MTR: variants seen among roughly 807,000 people sequenced by gnomAD.
MTR encodes the protein methionine synthase.
In MTR, 84 loss-of-function variants were observed where a neutral mutation model predicts 154.8. The ratio of observed to expected loss-of-function variants is 0.54; its 90% CI spans 0.45 to 0.65. The LOEUF is 0.65. Ranked by LOEUF, MTR falls within the 30% of genes least tolerant of loss-of-function variation. The pLI is 0.00. For missense variants in MTR, 1,275 were observed against 1,570.2 expected, an observed-to-expected ratio of 0.81 and a Z score of 3.18; for synonymous variants, 554 against 553.9, an observed-to-expected ratio of 1.00 and a Z score of 0.00.
chr1:236,889,158 A>AGT, intron 27 of MTR, 23 bp from the exon 28 acceptor site: 1 of 1,614,030 alleles, frequency 6.2e-7, no homozygotes, highest in South Asian at 1.1e-5. Flanking sequence ...GTCAGCATTG[A>AGT]CAACCATACT....
rs758564681 is a variant in MTR at position 236,795,684 on chromosome 1, C to G, written c.-20C>G. On this transcript the variant is annotated 5_prime_UTR_variant, in exon 1 of 33. Coordinates refer to ENST00000366577, the MANE Select transcript of MTR (RefSeq NM_000254.3). Reference sequence around the variant, plus strand: ...CGTCTTCTCTGCCGCGCCCTCTGCGCAAGGAGGAGACTCGACAACATGTCA... The same window carrying G: ...CGTCTTCTCTGCCGCGCCCTCTGCGGAAGGAGGAGACTCGACAACATGTCA... 7.4e-6 allele frequency: 12 copies of G among 1,613,908 alleles called. No homozygotes were observed. In the East Asian group the frequency reaches 2.7e-4, roughly 36 times the overall value.
intron 8 of MTR, 96 bp from the exon 9 acceptor site, chr1:236,824,023 C>A: frequency 9.8e-7 from 1 of 1,023,508 alleles, no homozygotes; most frequent in East Asian, 2.4e-5. Context: ...GATTTATTAT[C>A]CACTTGGTTT....
intron 21 of MTR, 24 bp downstream of exon 21, chr1:236,862,367 T>G (rs1266257057): frequency 6.3e-7 from 1 of 1,591,838 alleles, no homozygotes; most frequent in Non-Finnish European, 8.6e-7. Context: ...TTCAGGCCTA[T>G]GGGCCTTTAG....
At chr1:236,858,771 G>A (rs918464429) in intron 18 of MTR, among the ~76,000 whole-genome samples, 2 of 152,140 alleles carry the variant, frequency 1.3e-5, no homozygotes, top group Non-Finnish European at 2.9e-5. Context: ...TGATACTTAG[G>A]TTTCCGGTTT....
chr1:236,868,670 A>G (rs534925432), intron 22 of MTR, among the ~76,000 whole-genome samples: 2 of 152,250 alleles, frequency 1.3e-5, no homozygotes, highest in Non-Finnish European at 2.9e-5. Context: ...TTCATGATAC[A>G]TTTTAAAGTT....
At position 236,882,092 on chromosome 1, in the gene MTR, A is replaced by G. The variant is rs111652627; in HGVS notation, c.2676+1256A>G. Among the ~76,000 whole-genome samples, 138 of 152,360 alleles carry G rather than the reference A, an allele frequency of 9.1e-4. 1 individual carries two copies. Among genetic ancestry groups the G allele is most frequent in the Middle Eastern group, 3.4e-3 (1 of 294 alleles). ...ATAAAATTGCAATTTTTTATTTGCC[A>G]TTGATGTAGACAAATATGCAAATAA... On this transcript the variant is annotated intron_variant, in intron 25 of 32. Transcript: ENST00000366577.
chr1:236,854,837 T>C (rs1664111370), intron 18 of MTR, among the ~76,000 whole-genome samples: 1 of 152,234 alleles, frequency 6.6e-6, no homozygotes, highest in South Asian at 2.1e-4. Flanking sequence ...CTGTATGTCA[T>C]GCTGAGCTGC....
intron 20 of MTR, among the ~76,000 whole-genome samples, chr1:236,861,739 G>A (rs948957215): frequency 5.9e-5 from 9 of 152,212 alleles, no homozygotes; most frequent in African/African-American, 1.9e-4. Context: ...ATTTACAGCA[G>A]CTGCTAACCA....
At chr1:236,842,496 G>GATTT (rs1006099462) in intron 15 of MTR, among the ~76,000 whole-genome samples, 2 of 152,016 alleles carry the variant, frequency 1.3e-5, no homozygotes, top group African/African-American at 4.8e-5. Context: ...CATCGGGTGA[G>GATTT]ATTTTCATAT....
chr1:236,888,840 TTTCATGTTC>T (rs1401373801), intron 27 of MTR, among the ~76,000 whole-genome samples: 1 of 152,254 alleles, frequency 6.6e-6, no homozygotes, highest in Non-Finnish European at 1.5e-5. Flanking sequence ...CTTCATGTTC[TTTCATGTTC>T]TTCATGTTCA....
intron 22 of MTR, among the ~76,000 whole-genome samples, chr1:236,864,097 TAATA>T (rs964445054): frequency 2.6e-5 from 4 of 152,194 alleles, no homozygotes; most frequent in Non-Finnish European, 2.9e-5. Context: ...TTATTATAAT[TAATA>T]AATATTCATA....
At position 236,889,311 on chromosome 1, in the gene MTR, C is replaced by G; in HGVS notation, c.2982C>G (p.Pro994=). ...LRGKYPNRGF[P]KIFNDKTVGG... is the part of the protein sequence containing the mutation. ...GCAAGTACCCGAATCGAGGCTTTCC[C>G]AAGATATTTAACGACAAAACAGTAG... is the stretch of plus-strand genomic sequence containing the variant. Residue 994 remains proline (P), a synonymous_variant, in exon 28 of 33, where the codon CCC becomes CCG. Coordinates refer to ENST00000366577, the MANE Select transcript of MTR (RefSeq NM_000254.3). 2.5e-6 allele frequency: 4 copies of G among 1,614,174 alleles called. No homozygotes were observed. The highest frequency in any genetic ancestry group is 3.4e-6 in the Non-Finnish European group (4 of 1,180,042).
At position 236,876,114 on chromosome 1, in the gene MTR, A is replaced by C. The variant is rs531722525; in HGVS notation, c.2594+1268A>C. ...GATAAATGTTAATCACATCAAAAAAAATACTTTCACAGTAACATTTAGGTT... is the reference window on the plus strand; with the variant it reads ...GATAAATGTTAATCACATCAAAAAACATACTTTCACAGTAACATTTAGGTT... On this transcript the variant is annotated intron_variant, in intron 24 of 32. Transcript: ENST00000366577. Among the ~76,000 whole-genome samples the C allele has an allele frequency of 2.1e-4, 32 of 152,362 alleles. 1 individual carries two copies. The South Asian group carries it at 6.0e-3, about 29-fold the overall frequency.
intron 24 of MTR, among the ~76,000 whole-genome samples, chr1:236,876,240 A>C (rs1261024645): frequency 6.6e-6 from 1 of 152,252 alleles, no homozygotes; most frequent in African/African-American, 2.4e-5. Context: ...CATAAGTAGA[A>C]ACAGTATTAT....
chr1:236,824,084 A>G lies in MTR; in HGVS notation c.765-35A>G, dbSNP rs766747121. 21 of 1,515,356 alleles carry G rather than the reference A, an allele frequency of 1.4e-5. No homozygotes were observed. In the African/African-American group the frequency reaches 2.5e-4, roughly 18 times the overall value. 93.9% of individuals were successfully genotyped at this position (1,515,356 alleles called of 1,614,324 possible). On this transcript the variant is annotated intron_variant, in intron 8 of 32. Coordinates refer to ENST00000366577, the MANE Select transcript of MTR (RefSeq NM_000254.3). ...TTATATGCATAAATATGAATGAGAGATGATGCTTTTAATATGTTTTTTCTG... is the reference window on the plus strand; with the variant it reads ...TTATATGCATAAATATGAATGAGAGGTGATGCTTTTAATATGTTTTTTCTG...
chr1:236,820,460 G>T (rs954501717), intron 8 of MTR: 11 of 1,411,412 alleles, frequency 7.8e-6, no homozygotes, highest in Non-Finnish European at 9.8e-6. Flanking sequence ...CGGAAGACTG[G>T]TCTGCAGCTC....
At chr1:236,889,116 G>A in intron 27 of MTR, 65 bp from the exon 28 acceptor site, 2 of 1,596,308 alleles carry the variant, frequency 1.3e-6, no homozygotes, top group Non-Finnish European at 1.7e-6. Flanking sequence ...TGAGGAGCTG[G>A]CAGGGAGGCC....
At chr1:236,894,658 C>CT (rs377058421) in intron 30 of MTR, 101 bp downstream of exon 30, 125,134 of 790,294 alleles carry the variant, frequency 0.16, no homozygotes, top group South Asian at 0.2. Flanking sequence ...GAACCAGTGT[C>CT]TTTTTTTTTT....
chr1:236,885,693 C>G (rs1010007718), intron 26 of MTR, among the ~76,000 whole-genome samples: 2 of 152,184 alleles, frequency 1.3e-5, no homozygotes, highest in African/African-American at 4.8e-5. Flanking sequence ...GTCTCTTGAT[C>G]AGCTTCAGGG....
Sources: allele counts gnomAD v4.1 joint callset (sites outside exome capture counted in the v4.1 genomes callset), GRCh38; gene constraint gnomAD v4.1.1; transcripts MANE v1.5; gene names NCBI Gene and HGNC (gene_info 2026-07-23, HGNC 2026-07-21).